RAD54B: variants seen among roughly 807,000 people sequenced by gnomAD.
RAD54B encodes the protein RAD54 homolog B, also known as DNA repair and recombination protein RAD54B.
A neutral mutation model predicts 95.8 loss-of-function variants in RAD54B; 78 were observed. The ratio of observed to expected loss-of-function variants is 0.81; its 90% CI spans 0.68 to 0.98. The LOEUF (loss-of-function observed/expected upper bound fraction) is 0.98. RAD54B is among the 50% of genes least tolerant of loss of function. The pLI, the probability that RAD54B is intolerant of heterozygous loss-of-function variation, is 0.00. For synonymous variants in RAD54B, 328 were observed against 354.9 expected, an observed-to-expected ratio of 0.92 and a Z score of 0.85; for missense variants, 957 against 1,056.6, an observed-to-expected ratio of 0.91 and a Z score of 1.31.
chr8:94,376,684 T>C (rs1810580167), intron 14 of RAD54B, among the ~76,000 whole-genome samples: 1 of 149,138 alleles, frequency 6.7e-6, no homozygotes, highest in South Asian at 2.1e-4. Flanking sequence ...ATAAATATTA[T>C]ATATTGTTAT....
chr8:94,409,268 C>T (rs554836262), intron 4 of RAD54B, among the ~76,000 whole-genome samples: 15 of 152,010 alleles, frequency 9.9e-5, no homozygotes, highest in Non-Finnish European at 1.6e-4. Flanking sequence ...ATTTTGAAAA[C>T]CCTAAAATAT....
intron 10 of RAD54B, chr8:94,387,428 T>C (rs1200329255): frequency 3.8e-6 from 1 of 260,734 alleles, no homozygotes; most frequent in Non-Finnish European, 7.2e-6. Context: ...TTCCCACATG[T>C]AACTACAGGA....
intron 10 of RAD54B, among the ~76,000 whole-genome samples, chr8:94,389,913 A>G (rs908232508): frequency 4.6e-5 from 7 of 152,226 alleles, no homozygotes; most frequent in African/African-American, 1.7e-4. Context: ...AGAATGTACA[A>G]ACATATTCTA....
Position 94,372,224 on chromosome 8 carries a change from T to A in RAD54B, c.2679A>T (p.Thr893=). ...NLTDPFLERI[T]ENVSFIFQNI... is the part of the protein sequence containing the mutation. ...TCTGAAAAATGAATGACACATTTTC[T>A]GTTATTCTTTCAAGAAAAGGATCTG... Residue 893 remains threonine, a synonymous_variant, in exon 15 of 15, where the codon ACA becomes ACT. Coordinates refer to ENST00000336148, the MANE Select transcript of RAD54B (RefSeq NM_012415.3). The A allele has an allele frequency of 6.2e-7, 1 of 1,612,418 alleles. No individual in the cohort carries two copies. The highest frequency in any genetic ancestry group is 1.3e-5 in the African/African-American group (1 of 74,930).
intron 3 of RAD54B, among the ~76,000 whole-genome samples, chr8:94,412,136 G>A (rs1811544821): frequency 6.6e-6 from 1 of 152,072 alleles, no homozygotes; most frequent in South Asian, 2.1e-4. Context: ...TTGTCTTTCT[G>A]TGTCCAGCTT....
chr8:94,404,134 A>C lies in RAD54B; in HGVS notation c.887T>G (p.Leu296Arg). ...VVIDPYLVYH[L>R]RPHQKEGIIF... is the part of the protein sequence containing the mutation. ...GATTCCTTCTTTCTGATGTGGTCGA[A>C]GATGATATACAAGGTAAGGATCAAT... Residue 296 changes from leucine (L) to arginine (R), a missense_variant, in exon 6 of 15, where the codon CTT becomes CGT. Coordinates refer to ENST00000336148, the MANE Select transcript of RAD54B (RefSeq NM_012415.3). The C allele has an allele frequency of 6.2e-7, 1 of 1,611,412 alleles. No homozygotes were observed. Among genetic ancestry groups the C allele is most frequent in the Non-Finnish European group, 8.5e-7 (1 of 1,178,130 alleles).
chr8:94,422,752 T>TTATATATATATATATATATA (rs369490267), intron 3 of RAD54B, among the ~76,000 whole-genome samples: 5 of 125,404 alleles, frequency 4.0e-5, no homozygotes, highest in African/African-American at 1.5e-4. Flanking sequence ...CCACAAAAAA[T>TTATATATATATATATATATA]TATATATATA....
intron 8 of RAD54B, among the ~76,000 whole-genome samples, chr8:94,398,570 A>C (rs1811197314): frequency 6.6e-6 from 1 of 152,156 alleles, no homozygotes; most frequent in Non-Finnish European, 1.5e-5. Context: ...CAGTAAGAAT[A>C]ATCATATCCT....
intron 3 of RAD54B, among the ~76,000 whole-genome samples, chr8:94,448,425 A>G (rs982332113): frequency 6.6e-6 from 1 of 152,118 alleles, no homozygotes; most frequent in Non-Finnish European, 1.5e-5. Context: ...AGGAAATTAA[A>G]AATAGAACTA....
intron 3 of RAD54B, among the ~76,000 whole-genome samples, chr8:94,416,133 T>C (rs1811657657): frequency 6.6e-6 from 1 of 151,266 alleles, no homozygotes; most frequent in Non-Finnish European, 1.5e-5. Context: ...CCAACAATGA[T>C]AGACTGGATT....
At chr8:94,414,837 C>A (rs1811618674) in intron 3 of RAD54B, among the ~76,000 whole-genome samples, 1 of 152,090 alleles carries the variant, frequency 6.6e-6, no homozygotes, top group Non-Finnish European at 1.5e-5. Context: ...TCAAGGAGAA[C>A]TACAAACCAC....
At chr8:94,471,832 A>G in intron 1 of RAD54B, among the ~76,000 whole-genome samples, 1 of 151,910 alleles carries the variant, frequency 6.6e-6, no homozygotes, top group East Asian at 1.9e-4. Context: ...AAATGCCATC[A>G]ATTGTAAGAT....
At chr8:94,453,317 T>G (rs1001461606) in intron 3 of RAD54B, among the ~76,000 whole-genome samples, 1 of 152,094 alleles carries the variant, frequency 6.6e-6, no homozygotes, top group African/African-American at 2.4e-5. Context: ...TCACTTGAGG[T>G]CAGGAGTTCA....
At chr8:94,446,460 G>A (rs1812523438) in intron 3 of RAD54B, among the ~76,000 whole-genome samples, 1 of 152,182 alleles carries the variant, frequency 6.6e-6, no homozygotes, top group Admixed American at 6.5e-5. Flanking sequence ...GCAAGGGAAA[G>A]TGCTGGCTAC....
intron 3 of RAD54B, among the ~76,000 whole-genome samples, chr8:94,411,701 G>A (rs1241179820): frequency 6.6e-6 from 1 of 151,820 alleles, no homozygotes; most frequent in African/African-American, 2.4e-5. Context: ...GACAAGCTGA[G>A]GAAAGGCAAA....
intron 8 of RAD54B, among the ~76,000 whole-genome samples, chr8:94,397,164 G>C (rs1485046364): frequency 2.6e-5 from 4 of 152,094 alleles, no homozygotes; most frequent in African/African-American, 9.7e-5. Flanking sequence ...ATAATATGAG[G>C]AAACAAAATC....
intron 3 of RAD54B, among the ~76,000 whole-genome samples, chr8:94,423,261 T>C (rs1245356035): frequency 3.3e-5 from 5 of 152,066 alleles, no homozygotes; most frequent in African/African-American, 7.2e-5. Context: ...CAGGCGCCTG[T>C]AGTCCCAGCT....
chr8:94,457,146 T>C (rs1052239244), intron 3 of RAD54B, among the ~76,000 whole-genome samples: 1 of 152,288 alleles, frequency 6.6e-6, no homozygotes, highest in East Asian at 1.9e-4. Context: ...TGGGCATACA[T>C]GGATCATTTT....
At chr8:94,449,207 C>T (rs1424354950) in intron 3 of RAD54B, among the ~76,000 whole-genome samples, 2 of 150,210 alleles carry the variant, frequency 1.3e-5, no homozygotes, top group Non-Finnish European at 3.0e-5. Context: ...CCACCACACA[C>T]ACACACAGAC....
Sources: allele counts gnomAD v4.1 joint callset (sites outside exome capture counted in the v4.1 genomes callset), GRCh38; gene constraint gnomAD v4.1.1; transcripts MANE v1.5; gene names NCBI Gene and HGNC (gene_info 2026-07-23, HGNC 2026-07-21).